The following RSBN1L variants were observed in gnomAD, a reference collection of about 807,000 sequenced individuals.
The protein encoded by RSBN1L is lysine-specific demethylase RSBN1L.
In RSBN1L, 30 loss-of-function variants were observed where a neutral mutation model predicts 67.7. The observed-to-expected ratio is 0.44, with a 90% confidence interval of 0.33 to 0.60. RSBN1L has a LOEUF of 0.60. RSBN1L is among the 20% of genes least tolerant of loss of function. The probability of loss-of-function intolerance (pLI) is 0.02; values close to 1 mark genes in which losing one functional copy is unlikely to be tolerated. For missense variants in RSBN1L, 992 were observed against 1,031.7 expected (o/e 0.96, Z 0.53); for synonymous variants, 433 against 387.0 (o/e 1.12, Z -1.39).
At chr7:77,741,912 T>C (rs1271741351) in intron 2 of RSBN1L, among the ~76,000 whole-genome samples, 1 of 151,600 alleles carries the variant, frequency 6.6e-6, no homozygotes, top group African/African-American at 2.4e-5. Flanking sequence ...CCCAGTTTGG[T>C]TTCATGTAAA....
intron 2 of RSBN1L, among the ~76,000 whole-genome samples, chr7:77,749,214 A>G (rs1235431315): frequency 6.6e-6 from 1 of 152,140 alleles, no homozygotes; most frequent in Non-Finnish European, 1.5e-5. Flanking sequence ...GGATTGTGGC[A>G]CTGGATTCCA....
At chr7:77,737,186 G>A (rs937516512) in intron 2 of RSBN1L, among the ~76,000 whole-genome samples, 5 of 152,108 alleles carry the variant, frequency 3.3e-5, no homozygotes, top group African/African-American at 7.2e-5. Flanking sequence ...TAGACGTAAG[G>A]ATAGTCTTAA....
At chr7:77,778,035 A>G (rs1054851724) in intron 6 of RSBN1L, among the ~76,000 whole-genome samples, 3 of 152,170 alleles carry the variant, frequency 2.0e-5, no homozygotes, top group Non-Finnish European at 2.9e-5. Context: ...TTATTCTTCA[A>G]ATAGAACACT....
chr7:77,758,029 A>T (rs1290163069), intron 3 of RSBN1L, among the ~76,000 whole-genome samples: 1 of 151,386 alleles, frequency 6.6e-6, no homozygotes, highest in Non-Finnish European at 1.5e-5. Flanking sequence ...ACAGAGTGAG[A>T]CTCCATCTCA....
chr7:77,729,856 A>G (rs550215701), intron 1 of RSBN1L, among the ~76,000 whole-genome samples: 57 of 152,262 alleles, frequency 3.7e-4, no homozygotes, highest in Non-Finnish European at 1.6e-4. Context: ...TGAGGGGCTT[A>G]GGTAGGAGGA....
chr7:77,738,069 C>G (rs1478822470), intron 2 of RSBN1L, among the ~76,000 whole-genome samples: 1 of 151,506 alleles, frequency 6.6e-6, no homozygotes, highest in East Asian at 1.9e-4. Flanking sequence ...TAACTTTACC[C>G]TTGGTTTAGC....
chr7:77,708,751 G>A (rs974371810), intron 1 of RSBN1L, among the ~76,000 whole-genome samples: 7 of 152,150 alleles, frequency 4.6e-5, no homozygotes, highest in African/African-American at 4.8e-5. Flanking sequence ...ATTCAAATTG[G>A]TATTTTAGCA....
chr7:77,771,418 A>G (rs1159712903), intron 5 of RSBN1L, among the ~76,000 whole-genome samples: 1 of 151,938 alleles, frequency 6.6e-6, no homozygotes, highest in Non-Finnish European at 1.5e-5. Context: ...ACCTAAACAC[A>G]GTGTCTGGTG....
At chr7:77,766,281 C>T (rs545163213) in intron 4 of RSBN1L, among the ~76,000 whole-genome samples, 17 of 152,310 alleles carry the variant, frequency 1.1e-4, no homozygotes, top group African/African-American at 4.1e-4. Context: ...CCTCCGTGGG[C>T]TTGGATGATC....
intron 2 of RSBN1L, among the ~76,000 whole-genome samples, chr7:77,743,389 A>G (rs1490232222): frequency 1.3e-5 from 2 of 152,036 alleles, no homozygotes; most frequent in African/African-American, 4.8e-5. Flanking sequence ...ATCTGAGGTC[A>G]GGAGTTTGAG....
Position 77,779,215 on chromosome 7 carries a change from A to G in RSBN1L, c.*47A>G. ...TCCTTTTTTAAAAAAATTTAATGTA[A>G]TAAAGATTCATGAATTCTGAAAGCA... On this transcript the variant is annotated 3_prime_UTR_variant, in exon 8 of 8. Coordinates refer to ENST00000334955, the MANE Select transcript of RSBN1L (RefSeq NM_198467.3). 5 of 1,315,558 alleles carry G rather than the reference A, an allele frequency of 3.8e-6. No individual in the cohort carries two copies. The highest frequency in any genetic ancestry group is 5.2e-6 in the Non-Finnish European group (5 of 961,464). The allele number at this position is 1,315,558 out of a possible 1,614,324, so 81.5% of individuals were successfully genotyped here. A position where few individuals can be genotyped will look rare whatever the true frequency, so the allele number is the denominator to read the frequency against.
intron 1 of RSBN1L, among the ~76,000 whole-genome samples, chr7:77,700,920 GC>G (rs1320210328): frequency 6.6e-6 from 1 of 152,122 alleles, no homozygotes; most frequent in African/African-American, 2.4e-5. Context: ...ACTTCGGGAG[GC>G]TGAAGCTGGC....
rs1216437157 is a variant in RSBN1L, at chr7:77,778,345, C to G, written c.1801C>G (p.Gln601Glu). 2.5e-6 allele frequency: 4 copies of G among 1,603,350 alleles called. No individual in the cohort carries two copies. In the Admixed American group the frequency reaches 5.2e-5, roughly 21 times the overall value. ...TCTCGTTTTCTTTTTTAGGCCTGAT[C>G]AACCCCGTATAACCAAAGATGTAAT... Reference protein sequence around the residue: ...KAVHCGEWPDQPRITKDVICF... With the variant: ...KAVHCGEWPDEPRITKDVICF... Residue 601 changes from glutamine to glutamate, a missense_variant, in exon 7 of 8, where the codon CAA becomes GAA. Gln to Glu is a conservative substitution (Grantham distance 29, BLOSUM62 2). This residue lies in a region of RSBN1L where 31 missense variants were observed against 24.5 expected (regional missense o/e 1.26). Transcript: ENST00000334955.
At chr7:77,739,224 TC>T (rs528960283) in intron 2 of RSBN1L, among the ~76,000 whole-genome samples, 66 of 152,200 alleles carry the variant, frequency 4.3e-4, no homozygotes, top group Non-Finnish European at 7.1e-4. Flanking sequence ...AAATATACTT[TC>T]ATTTACTACT....
chr7:77,772,870 G>C (rs1005545336), intron 5 of RSBN1L, among the ~76,000 whole-genome samples: 1 of 152,088 alleles, frequency 6.6e-6, no homozygotes, highest in Non-Finnish European at 1.5e-5. Context: ...CCAAACCCCA[G>C]GTAAAGATTC....
chr7:77,696,929 A>G lies in RSBN1L; in HGVS notation c.460A>G (p.Asn154Asp), dbSNP rs377171392. 121 of 1,600,948 alleles carry G rather than the reference A, an allele frequency of 7.6e-5. No individual in the cohort carries two copies. Among genetic ancestry groups the G allele is most frequent in the Admixed American group, 5.2e-4 (31 of 59,704 alleles). Reference protein sequence around the residue: ...LPAAAAAASANAKSRRPKEKR... With the variant: ...LPAAAAAASADAKSRRPKEKR... ...CGCCGCCGCCGCCGCTGCCTCGGCT[A>G]ACGCCAAGTCGCGCAGACCTAAGGA... The change falls in exon 1 of 8, where the codon AAC becomes GAC. Residue 154 changes from asparagine (N) to aspartate (D), a missense_variant. Transcript: ENST00000334955.
intron 3 of RSBN1L, among the ~76,000 whole-genome samples, chr7:77,754,677 T>G (rs1395131280): frequency 6.6e-6 from 1 of 152,162 alleles, no homozygotes; most frequent in Admixed American, 6.5e-5. Flanking sequence ...GTCATGCATA[T>G]GCTAGTTATT....
intron 2 of RSBN1L, among the ~76,000 whole-genome samples, chr7:77,738,061 A>G (rs754415727): frequency 4.0e-5 from 6 of 151,892 alleles, no homozygotes; most frequent in Non-Finnish European, 7.4e-5. Context: ...AGTCTACTTA[A>G]CTTTACCCTT....
intron 3 of RSBN1L, among the ~76,000 whole-genome samples, chr7:77,764,635 T>C (rs982400890): frequency 3.3e-5 from 5 of 152,040 alleles, no homozygotes; most frequent in Non-Finnish European, 7.4e-5. Context: ...TTCTTTCTTT[T>C]TTTTTTTTTG....
Sources: allele counts gnomAD v4.1 joint callset (sites outside exome capture counted in the v4.1 genomes callset), GRCh38; gene constraint gnomAD v4.1.1; regional missense constraint gnomAD v4.1.1; transcripts MANE v1.5; gene names NCBI Gene and HGNC (gene_info 2026-07-23, HGNC 2026-07-21).